The following RHOH variants were observed in gnomAD, a reference collection of about 807,000 sequenced individuals.
The protein encoded by RHOH is rho-related GTP-binding protein RhoH.
A neutral mutation model predicts 13.8 loss-of-function variants in RHOH; 6 were observed. The observed-to-expected ratio is 0.44, with a 90% CI of 0.24 to 0.86. RHOH has a LOEUF of 0.86. Among genes scored for constraint, RHOH ranks in the 40% least tolerant of loss-of-function variants. The pLI is 0.24. For missense variants in RHOH, 147 were observed against 244.5 expected (o/e 0.60, Z 2.66); for synonymous variants, 117 against 103.0 (o/e 1.14, Z -0.82).
chr4:40,228,327 T>A lies in RHOH; in HGVS notation c.-330-14387T>A, dbSNP rs556341774. On this transcript the variant is annotated intron_variant, in intron 1 of 2. Coordinates refer to ENST00000381799, the MANE Select transcript of RHOH (RefSeq NM_004310.5). ...ACAGCTTTTGGTTCTAGGTGGTAAC[T>A]GATTTTTATCTTCTTTGGATCAGTG... Among the ~76,000 whole-genome samples, 16 of 152,342 alleles carry A rather than the reference T, an allele frequency of 1.1e-4. No individual in the cohort carries two copies. In the South Asian group the frequency reaches 3.3e-3, roughly 32 times the overall value.
intron 1 of RHOH, among the ~76,000 whole-genome samples, chr4:40,230,488 G>C (rs1052773536): frequency 6.6e-6 from 1 of 151,670 alleles, no homozygotes; most frequent in Non-Finnish European, 1.5e-5. Context: ...AGGCCACCAG[G>C]CCCAGCTAAT....
At position 40,237,110 on chromosome 4, in the gene RHOH, T is replaced by C. The variant is rs79686740; in HGVS notation, c.-330-5604T>C. On this transcript the variant is annotated intron_variant, in intron 1 of 2. Coordinates refer to ENST00000381799, the MANE Select transcript of RHOH (RefSeq NM_004310.5). The stretch of plus-strand genomic sequence containing the variant: ...AAGTTTAGAGATGGTTACACCTTTT[T>C]TTTCTAAAGTTGCTTAAGGTTTTTG... 7.1e-3 allele frequency among the ~76,000 whole-genome samples: 1,082 copies of C among 152,314 alleles called. 19 individuals are homozygous for C. Among genetic ancestry groups the C allele is most frequent in the African/African-American group, 0.024 (1,006 of 41,568 alleles).
At chr4:40,235,604 A>AG (rs1279850430) in intron 1 of RHOH, among the ~76,000 whole-genome samples, 28 of 146,362 alleles carry the variant, frequency 1.9e-4, no homozygotes, top group Non-Finnish European at 2.6e-4. Flanking sequence ...AAAAAAAAAA[A>AG]AAAAGAAAAA....
chr4:40,196,522 C>T (rs1723150684), upstream of RHOH, among the ~76,000 whole-genome samples: 1 of 152,186 alleles, frequency 6.6e-6, no homozygotes. Context: ...CAGGGGGCTG[C>T]TCGAACTCTC....
upstream of RHOH, among the ~76,000 whole-genome samples, chr4:40,195,416 T>C (rs374939700): frequency 0.042 from 5,909 of 139,164 alleles, 174 homozygotes; most frequent in Middle Eastern, 0.074. Flanking sequence ...CTTCCTTCCT[T>C]CCCTCCCCTT....
chr4:40,210,089 C>CGTGTGTGTGTGTGTGT (rs5857717), intron 1 of RHOH, among the ~76,000 whole-genome samples: 8 of 145,556 alleles, frequency 5.5e-5, no homozygotes, highest in South Asian at 2.2e-4. Flanking sequence ...ACATTGTGTG[C>CGTGTGTGTGTGTGTGT]GTGTGTGTGT....
At chr4:40,240,669 C>T (rs553924753) in intron 1 of RHOH, among the ~76,000 whole-genome samples, 1 of 151,426 alleles carries the variant, frequency 6.6e-6, no homozygotes, top group South Asian at 2.1e-4. Context: ...CCCAGCTGCT[C>T]GGGAGGCTGA....
rs543248630 is a variant in RHOH, at chr4:40,200,814, G to A, written c.-331+3514G>A. ...ACATGTAGAAGCTATATATTATTCCGGGGCAGCCCAAAGAGGGGATGTTGC... is the reference window on the plus strand; with the variant it reads ...ACATGTAGAAGCTATATATTATTCCAGGGCAGCCCAAAGAGGGGATGTTGC... On this transcript the variant is annotated intron_variant, in intron 1 of 2. Coordinates refer to ENST00000381799, the MANE Select transcript of RHOH (RefSeq NM_004310.5). 2.0e-4 allele frequency among the ~76,000 whole-genome samples: 31 copies of A among 152,258 alleles called. 1 individual carries two copies. The Middle Eastern group carries it at 0.024, about 117-fold the overall frequency.
chr4:40,200,756 G>A (rs560671388), intron 1 of RHOH, among the ~76,000 whole-genome samples: 37 of 152,306 alleles, frequency 2.4e-4, no homozygotes, highest in South Asian at 8.3e-4. Context: ...GCAAACGTAC[G>A]GTGCCGCTCA....
chr4:40,197,988 G>A (rs1040585761), intron 1 of RHOH, among the ~76,000 whole-genome samples: 2 of 152,160 alleles, frequency 1.3e-5, no homozygotes, highest in African/African-American at 4.8e-5. Context: ...ACAAGTAGTT[G>A]GTGTCCCCTT....
intron 1 of RHOH, among the ~76,000 whole-genome samples, chr4:40,227,578 T>C (rs1447984208): frequency 6.6e-6 from 1 of 152,198 alleles, no homozygotes; most frequent in African/African-American, 2.4e-5. Context: ...ACATGCTACT[T>C]TACATTCTGT....
chr4:40,210,124 T>TG (rs1725094309), intron 1 of RHOH, among the ~76,000 whole-genome samples: 2 of 101,138 alleles, frequency 2.0e-5, no homozygotes. Context: ...GTGTGTGTGT[T>TG]TCTGTGTTTC....
intron 1 of RHOH, among the ~76,000 whole-genome samples, chr4:40,230,979 CA>C (rs755131040): frequency 1.3e-5 from 2 of 152,134 alleles, no homozygotes; most frequent in Admixed American, 6.5e-5. Flanking sequence ...ATTAAAAAGA[CA>C]AAACAACATA....
intron 1 of RHOH, among the ~76,000 whole-genome samples, chr4:40,223,491 G>C (rs1460479594): frequency 2.0e-5 from 2 of 102,420 alleles, no homozygotes; most frequent in Non-Finnish European, 3.8e-5. Flanking sequence ...TTTTTTTTTA[G>C]AGAGGGTCTT....
At chr4:40,240,840 C>A (rs1435675988) in intron 1 of RHOH, among the ~76,000 whole-genome samples, 2 of 150,298 alleles carry the variant, frequency 1.3e-5, no homozygotes, top group Non-Finnish European at 1.5e-5. Flanking sequence ...TTTCCTAATT[C>A]TGGCCCTGCT....
At chr4:40,230,090 G>A (rs1469452851) in intron 1 of RHOH, among the ~76,000 whole-genome samples, 1 of 152,016 alleles carries the variant, frequency 6.6e-6, no homozygotes, top group Non-Finnish European at 1.5e-5. Flanking sequence ...TGCCATCCAG[G>A]CTGGAGTGCA....
intron 1 of RHOH, among the ~76,000 whole-genome samples, chr4:40,203,167 T>C (rs973821965): frequency 6.6e-6 from 1 of 152,008 alleles, no homozygotes; most frequent in South Asian, 2.1e-4. Context: ...TGAGACGGAG[T>C]TTCACCGTGT....
chr4:40,238,963 T>C (rs1728932547), intron 1 of RHOH, among the ~76,000 whole-genome samples: 1 of 152,168 alleles, frequency 6.6e-6, no homozygotes. Flanking sequence ...CCTGGACACA[T>C]GTGACCCATT....
intron 1 of RHOH, among the ~76,000 whole-genome samples, chr4:40,232,942 G>A (rs1001264234): frequency 1.3e-5 from 2 of 152,056 alleles, no homozygotes; most frequent in African/African-American, 4.8e-5. Context: ...CTCCCATCTC[G>A]AGAATTAATG....
Sources: allele counts gnomAD v4.1 joint callset (sites outside exome capture counted in the v4.1 genomes callset), GRCh38; gene constraint gnomAD v4.1.1; transcripts MANE v1.5; gene names NCBI Gene and HGNC (gene_info 2026-07-23, HGNC 2026-07-21).